The following NAV3 variants were observed in gnomAD, a reference collection of about 807,000 sequenced individuals.
The protein encoded by NAV3 is pore membrane and/or filament interacting like protein 1.
Under a neutral mutation model 244.7 loss-of-function variants are expected in NAV3, and 87 were observed. That is an observed-to-expected ratio of 0.36 (90% CI 0.30 to 0.42). The LOEUF (loss-of-function observed/expected upper bound fraction) is 0.42. Among genes scored for constraint, NAV3 ranks in the 20% least tolerant of loss-of-function variants. NAV3 has a pLI of 1.00. For synonymous variants in NAV3, 1,126 were observed against 1,042.2 expected (o/e 1.08, Z -1.55); for missense variants, 2,663 against 2,893.3 (o/e 0.92, Z 1.83).
At chr12:77,809,010 C>T (rs1023860998) in intron 2 of NAV3, among the ~76,000 whole-genome samples, 2 of 152,152 alleles carry the variant, frequency 1.3e-5, no homozygotes, top group Admixed American at 6.5e-5. Flanking sequence ...TCAGTAATGG[C>T]AGACCTCCCT....
In NAV3 at chr12:77,584,154, ATTGT is replaced by A. The variant is rs147675513; in HGVS notation, c.72+11896_72+11899del. On this transcript the variant is annotated intron_variant, in intron 2 of 8. Transcript: ENST00000550042. ...TGATTGTTTGTATTTTTACTCATGT[ATTGT>A]TTGTTTGCAGTCAGCCTCTACCAGG... is the stretch of plus-strand genomic sequence containing the variant. Among the ~76,000 whole-genome samples the A allele has an allele frequency of 9.1e-4, 138 of 152,182 alleles. 3 individuals are homozygous for A. In the East Asian group the frequency reaches 0.026, roughly 28 times the overall value.
chr12:78,073,792 A>G (rs1190663577), intron 12 of NAV3, among the ~76,000 whole-genome samples: 2 of 152,180 alleles, frequency 1.3e-5, no homozygotes, highest in African/African-American at 2.4e-5. Context: ...TTCAAACTAT[A>G]CTACAAGGCT....
intron 12 of NAV3, among the ~76,000 whole-genome samples, chr12:78,099,801 A>T (rs1021131007): frequency 1.3e-5 from 2 of 150,968 alleles, no homozygotes; most frequent in African/African-American, 2.5e-5. Context: ...CAGCCCATTT[A>T]AAAAAAATAG....
chr12:77,799,077 C>T lies in NAV3; in HGVS notation c.73-141242C>T, dbSNP rs191548735. On this transcript the variant is annotated intron_variant, in intron 2 of 8. Transcript: ENST00000550042. Reference sequence around the variant, plus strand: ...TTGGTACTAGCTCTCAGTTGGGCCACATGTCTATAGCAGCCTATCTTGAAC... The same window carrying T: ...TTGGTACTAGCTCTCAGTTGGGCCATATGTCTATAGCAGCCTATCTTGAAC... Among the ~76,000 whole-genome samples the T allele has an allele frequency of 8.5e-5, 13 of 152,290 alleles. No homozygotes were observed. The East Asian group carries it at 2.5e-3, about 29-fold the overall frequency.
chr12:77,725,990 G>A (rs1417690523), intron 2 of NAV3, among the ~76,000 whole-genome samples: 10 of 151,800 alleles, frequency 6.6e-5, no homozygotes, highest in Non-Finnish European at 1.2e-4. Context: ...TCTCCACACC[G>A]AAAGAACACT....
At chr12:77,700,415 T>G (rs890038621) in intron 2 of NAV3, among the ~76,000 whole-genome samples, 6 of 152,172 alleles carry the variant, frequency 3.9e-5, no homozygotes, top group African/African-American at 1.4e-4. Flanking sequence ...ATTAAAGTTG[T>G]GTATGTGTTT....
chr12:78,000,168 T>TA (rs1873002059), intron 7 of NAV3, among the ~76,000 whole-genome samples: 1 of 152,196 alleles, frequency 6.6e-6, no homozygotes, highest in Admixed American at 6.5e-5. Context: ...AATTCATACA[T>TA]ACCTTCCCTA....
In NAV3 at chr12:78,137,307, G is replaced by A. The variant is rs1326249430; in HGVS notation, c.4572G>A (p.Leu1524=). The A allele has an allele frequency of 1.2e-6, 2 of 1,613,418 alleles. No homozygotes were observed. The highest frequency in any genetic ancestry group is 1.7e-6 in the Non-Finnish European group (2 of 1,179,694). ...DSQLCGSATS[L]EERPRAISHS... is the part of the protein sequence containing the mutation. ...AGCTTTGTGGGAGTGCCACTTCTCT[G>A]GAGGAAAGACCTCGTGCCATCAGTC... The change falls in exon 19 of 40, where the codon CTG becomes CTA. Residue 1524 remains leucine, a synonymous_variant. Transcript: ENST00000397909.
intron 1 of NAV3, among the ~76,000 whole-genome samples, chr12:77,870,029 T>C (rs1167314314): frequency 6.6e-6 from 1 of 152,178 alleles, no homozygotes; most frequent in Non-Finnish European, 1.5e-5. Context: ...CAAGGAATTA[T>C]CTAAATGTTA....
chr12:77,675,752 G>A (rs1000051116), intron 2 of NAV3, among the ~76,000 whole-genome samples: 8 of 152,158 alleles, frequency 5.3e-5, no homozygotes, highest in Admixed American at 5.2e-4. Context: ...GTCAGTGGGT[G>A]AGTGTTCTGG....
Position 78,059,292 on chromosome 12 carries a change from T to G in NAV3, c.2636+177T>G, listed in dbSNP as rs528026475. Among the ~76,000 whole-genome samples, 8 of 151,846 alleles carry G rather than the reference T, an allele frequency of 5.3e-5. No individual in the cohort carries two copies. In the South Asian group the frequency reaches 8.3e-4, roughly 16 times the overall value. Reference sequence around the variant, plus strand: ...TTTTTTGTTTGTTTGTTTGTTTTCGTTTTTTTTGTGTGTGTGAGACAGAGT... The same window carrying G: ...TTTTTTGTTTGTTTGTTTGTTTTCGGTTTTTTTGTGTGTGTGAGACAGAGT... On this transcript the variant is annotated intron_variant, in intron 12 of 39. Coordinates refer to ENST00000397909, the MANE Select transcript of NAV3 (RefSeq NM_001024383.2).
intron 18 of NAV3, 152 bp from the exon 19 acceptor site, chr12:78,137,025 A>G (rs1956402106): frequency 1.6e-6 from 1 of 626,670 alleles, no homozygotes; most frequent in Admixed American, 3.8e-5. Context: ...TCTGTTATTG[A>G]ACATTTCAGA....
intron 24 of NAV3, among the ~76,000 whole-genome samples, 192 bp downstream of exon 24, chr12:78,169,058 G>A (rs1957895691): frequency 6.6e-6 from 1 of 151,580 alleles, no homozygotes; most frequent in African/African-American, 2.4e-5. Flanking sequence ...CAGAATCCTA[G>A]AATTTTAGAA....
At chr12:77,599,669 T>TA (rs1176130938) in intron 2 of NAV3, among the ~76,000 whole-genome samples, 1 of 151,860 alleles carries the variant, frequency 6.6e-6, no homozygotes, top group East Asian at 1.9e-4. Context: ...CCCTTTTTTT[T>TA]ATCATCAGTT....
rs1882466487 is a variant in NAV3 at position 78,049,849 on chromosome 12, A to G, written c.2024-144A>G. The G allele has an allele frequency of 2.5e-5, 14 of 557,916 alleles. No homozygotes were observed. The South Asian group carries it at 3.9e-4, about 15-fold the overall frequency. 34.6% of individuals were successfully genotyped at this position (557,916 alleles called of 1,614,324 possible). A position where few individuals can be genotyped will look rare whatever the true frequency, so the allele number is the denominator to read the frequency against. ...TCACATTTTATTGCTAGAAAGAATT[A>G]TAATTTGTAGATAATAATAGTTATT... On this transcript the variant is annotated intron_variant, in intron 9 of 39. Transcript: ENST00000397909.
At chr12:77,610,497 G>A (rs1170343274) in intron 2 of NAV3, among the ~76,000 whole-genome samples, 1 of 152,054 alleles carries the variant, frequency 6.6e-6, no homozygotes, top group Non-Finnish European at 1.5e-5. Flanking sequence ...AAAGAGATGT[G>A]TCAGTTTGTG....
intron 2 of NAV3, among the ~76,000 whole-genome samples, chr12:77,608,676 T>G (rs1317379621): frequency 6.6e-6 from 1 of 152,122 alleles, no homozygotes; most frequent in Non-Finnish European, 1.5e-5. Flanking sequence ...GCTGCATAGA[T>G]CCAAGGATTT....
At chr12:77,667,076 C>T (rs696468) in intron 2 of NAV3, among the ~76,000 whole-genome samples, 35,196 of 152,018 alleles carry the variant, frequency 0.23, 6,049 homozygotes, top group African/African-American at 0.49. Context: ...TTATGCAGAA[C>T]GTAAAGTCTG....
chr12:77,728,271 T>C (rs1352179205), intron 2 of NAV3, among the ~76,000 whole-genome samples: 1 of 151,926 alleles, frequency 6.6e-6, no homozygotes. Context: ...TTACGATGAT[T>C]TGTGGTCAAA....
Sources: gnomAD v4.1 joint callset for allele counts (sites outside exome capture counted in the v4.1 genomes callset) on GRCh38, gnomAD v4.1.1 for gene constraint, MANE v1.5 for transcripts, NCBI Gene and HGNC (gene_info 2026-07-23, HGNC 2026-07-21) for gene names.